Variants in CEP68 observed in about 807,000 individuals in gnomAD.
CEP68 encodes centrosomal protein 68, also known as centrosomal protein of 68 kDa.
A neutral mutation model predicts 55.3 loss-of-function variants in CEP68; 26 were observed. The observed-to-expected ratio is 0.47, with a 90% CI of 0.34 to 0.65. CEP68 has a LOEUF of 0.65. CEP68 is among the 30% of genes least tolerant of loss of function. The pLI, the probability that CEP68 is intolerant of heterozygous loss-of-function variation, is 0.01. For synonymous variants in CEP68, 402 were observed against 383.2 expected (o/e 1.05, Z -0.57); for missense variants, 957 against 946.7 (o/e 1.01, Z -0.14).
rs1360664832 is a variant in CEP68, at chr2:65,071,588, G to A, written c.492G>A (p.Leu164=). Residue 164 remains leucine (L), a synonymous_variant, in exon 3 of 7, where the codon CTG becomes CTA. Transcript: ENST00000377990. ...CCCTAGCAGATTTGCCCCAGGCACTGGACCTCAGCCAGCAGCCTCACAGCT... is the reference window on the plus strand; with the variant it reads ...CCCTAGCAGATTTGCCCCAGGCACTAGACCTCAGCCAGCAGCCTCACAGCT... ...DPSLADLPQA[L]DLSQQPHSSG... 1.6e-5 allele frequency: 26 copies of A among 1,614,028 alleles called. No homozygotes were observed. Among genetic ancestry groups the A allele is most frequent in the East Asian group, 2.2e-5 (1 of 44,878 alleles).
At chr2:65,076,959 A>G (rs899559048) in intron 4 of CEP68, among the ~76,000 whole-genome samples, 11 of 149,148 alleles carry the variant, frequency 7.4e-5, no homozygotes, top group Non-Finnish European at 1.5e-4. Context: ...CAAGTTCTAC[A>G]CCTTGCACTA....
chr2:65,074,558 G>A, intron 4 of CEP68, 154 bp downstream of exon 4: 2 of 1,112,468 alleles, frequency 1.8e-6, no homozygotes, highest in South Asian at 1.3e-5. Flanking sequence ...CATTCTTAAA[G>A]CGGAACGCTT....
In CEP68 at chr2:65,086,673, T is replaced by C. The variant is rs1214276069; in HGVS notation, c.*3039T>C. The C allele has an allele frequency of 6.6e-6, 1 of 152,424 alleles. No homozygotes were observed. The highest frequency in any genetic ancestry group is 6.5e-5 in the Admixed American group (1 of 15,280). 9.4% of individuals were successfully genotyped at this position (152,424 alleles called of 1,614,324 possible). On this transcript the variant is annotated 3_prime_UTR_variant, in exon 7 of 7. Transcript: ENST00000377990. ...GGCATCACAGTATCTTGACATTTGT[T>C]TTGTGTCATTTAGCTACTTTAGAAA...
Position 65,072,186 on chromosome 2 carries a change from G to A in CEP68, c.1090G>A (p.Ala364Thr), listed in dbSNP as rs1317865521. 1 of 1,614,094 alleles carries A rather than the reference G, an allele frequency of 6.2e-7. No homozygotes were observed. The highest frequency in any genetic ancestry group is 8.5e-7 in the Non-Finnish European group (1 of 1,180,018). Residue 364 changes from alanine (A) to threonine (T), a missense_variant, in exon 3 of 7, where the codon GCC (alanine) becomes ACC (threonine). By Grantham distance (58) the Ala-to-Thr change is moderately conservative (BLOSUM62 0). Transcript: ENST00000377990. Reference sequence around the variant, plus strand: ...CAACTGCCCACCAGCAGAGGCCACTGCCCTGCCATTTTCTGGGCCCAGAGA... The same window carrying A: ...CAACTGCCCACCAGCAGAGGCCACTACCCTGCCATTTTCTGGGCCCAGAGA... The part of the protein sequence containing the change: ...SPNCPPAEAT[A>T]LPFSGPREPS...
chr2:65,072,162 A>C lies in CEP68; in HGVS notation c.1066A>C (p.Asn356His). ...TLKSPTNVSP[N>H]CPPAEATALP... ...CAAATCACCTACTAATGTCTCCCCC[A>C]ACTGCCCACCAGCAGAGGCCACTGC... The change falls in exon 3 of 7, where the codon AAC becomes CAC. Residue 356 changes from asparagine (N) to histidine (H), a missense_variant. By Grantham distance (68) the Asn-to-His change is moderately conservative (BLOSUM62 1). Transcript: ENST00000377990. 6.2e-7 allele frequency: 1 copy of C among 1,614,024 alleles called. No individual in the cohort carries two copies. Among genetic ancestry groups the C allele is most frequent in the South Asian group, 1.1e-5 (1 of 91,084 alleles).
chr2:65,064,043 G>A (rs1676036397), intron 1 of CEP68, among the ~76,000 whole-genome samples: 1 of 152,186 alleles, frequency 6.6e-6, no homozygotes, highest in Non-Finnish European at 1.5e-5. Context: ...TGTTTATCCA[G>A]TCTAAGAAAG....
chr2:65,056,713 G>C (rs904862465), intron 1 of CEP68, among the ~76,000 whole-genome samples, 185 bp downstream of exon 1: 11 of 152,064 alleles, frequency 7.2e-5, no homozygotes, highest in Non-Finnish European at 1.5e-4. Flanking sequence ...AGGCTCCCTG[G>C]GGGGCGGGGG....
intron 6 of CEP68, 146 bp downstream of exon 6, chr2:65,082,855 T>C (rs1668896661): frequency 6.5e-6 from 4 of 618,418 alleles, no homozygotes; most frequent in Non-Finnish European, 1.0e-5. Flanking sequence ...AAAAAGGAGT[T>C]GCTGGTCTTC....
intron 1 of CEP68, among the ~76,000 whole-genome samples, chr2:65,059,228 T>C (rs868384334): frequency 6.6e-6 from 1 of 152,222 alleles, no homozygotes; most frequent in Non-Finnish European, 1.5e-5. Context: ...GTCTGCCAGC[T>C]AGAAGTGTCA....
At chr2:65,062,532 C>CAAA (rs10700779) in intron 1 of CEP68, among the ~76,000 whole-genome samples, 24,076 of 65,860 alleles carry the variant, frequency 0.37, 3,928 homozygotes, top group Middle Eastern at 0.5. Flanking sequence ...GACTCCATCT[C>CAAA]AAAAAAAAAA....
intron 2 of CEP68, chr2:65,071,140 G>C (rs1676440709): frequency 2.6e-6 from 1 of 377,628 alleles, no homozygotes; most frequent in African/African-American, 2.1e-5. Context: ...TCAGAGGTAA[G>C]GGACTGTTTT....
Position 65,072,733 on chromosome 2 carries a change from A to T in CEP68, c.1637A>T (p.Gln546Leu). The T allele has an allele frequency of 6.2e-7, 1 of 1,613,986 alleles. No homozygotes were observed. The highest frequency in any genetic ancestry group is 1.3e-5 in the African/African-American group (1 of 74,978). Residue 546 changes from glutamine (Q) to leucine (L), a missense_variant, in exon 3 of 7, where the codon CAA becomes CTA. By Grantham distance (113) the Gln-to-Leu change is moderately radical. Transcript: ENST00000377990. The stretch of plus-strand genomic sequence containing the variant: ...CAGCTTCCCCCTGGAGCTGCCCTCC[A>T]AGGATCTGGGGATCCTGAGGGCCAG... ...QSQLPPGAAL[Q>L]GSGDPEGQNP...
chr2:65,071,348 T>C, intron 2 of CEP68, 106 bp from the exon 3 acceptor site: 1 of 940,016 alleles, frequency 1.1e-6, no homozygotes, highest in Non-Finnish European at 1.6e-6. Context: ...TTAAGGTCTT[T>C]CCTAAATACT....
At chr2:65,081,656 C>G (rs894634877) in intron 5 of CEP68, among the ~76,000 whole-genome samples, 1 of 152,178 alleles carries the variant, frequency 6.6e-6, no homozygotes, top group Non-Finnish European at 1.5e-5. Flanking sequence ...TCTGACACTG[C>G]GGGAGTGAAT....
chr2:65,062,099 G>A (rs1675936773), intron 1 of CEP68, among the ~76,000 whole-genome samples: 1 of 152,196 alleles, frequency 6.6e-6, no homozygotes, highest in East Asian at 1.9e-4. Context: ...GAACTCATAG[G>A]GCTTGCTCAG....
At position 65,066,314 on chromosome 2, in the gene CEP68, C is replaced by T. The variant is rs184579422; in HGVS notation, c.-46-3085C>T. Among the ~76,000 whole-genome samples, 13 of 152,214 alleles carry T rather than the reference C, an allele frequency of 8.5e-5. No individual in the cohort carries two copies. In the East Asian group the frequency reaches 1.7e-3, roughly 20 times the overall value. ...ATGATATAATGAAAAGACATTGGACCGGCTGGGCGGTGTGGCTTACACCTG... is the reference window on the plus strand; with the variant it reads ...ATGATATAATGAAAAGACATTGGACTGGCTGGGCGGTGTGGCTTACACCTG... On this transcript the variant is annotated intron_variant, in intron 1 of 6. Transcript: ENST00000377990.
In CEP68 at chr2:65,071,939, C is replaced by T; in HGVS notation, c.843C>T (p.Ser281=). The change falls in exon 3 of 7, where the codon TCC becomes TCT. Residue 281 remains serine (S), a synonymous_variant. Transcript: ENST00000377990. The part of the protein sequence containing the change: ...AEYWACVLPD[S]LPPSPDRHSP... ...ACTGGGCCTGTGTGCTGCCAGATTCCCTGCCTCCATCACCCGACCGCCACT... is the reference window on the plus strand; with the variant it reads ...ACTGGGCCTGTGTGCTGCCAGATTCTCTGCCTCCATCACCCGACCGCCACT... 1 of 1,613,186 alleles carries T rather than the reference C, an allele frequency of 6.2e-7. No homozygotes were observed. Among genetic ancestry groups the T allele is most frequent in the South Asian group, 1.1e-5 (1 of 91,080 alleles).
intron 1 of CEP68, among the ~76,000 whole-genome samples, chr2:65,061,634 G>C (rs115172394): frequency 9.8e-5 from 15 of 152,348 alleles, no homozygotes; most frequent in Middle Eastern, 6.8e-3. Context: ...GGGCTGGTGT[G>C]GGGGACTGTG....
At chr2:65,058,530 G>T (rs575690457) in intron 1 of CEP68, among the ~76,000 whole-genome samples, 2 of 117,910 alleles carry the variant, frequency 1.7e-5, no homozygotes, top group African/African-American at 6.4e-5. Flanking sequence ...TTTTGAGAGG[G>T]AGTTTCACTC....
Sources: gnomAD v4.1 joint callset for allele counts (sites outside exome capture counted in the v4.1 genomes callset) on GRCh38, gnomAD v4.1.1 for gene constraint, MANE v1.5 for transcripts, NCBI Gene and HGNC (gene_info 2026-07-23, HGNC 2026-07-21) for gene names.